Variants in MYO7A observed in about 807,000 individuals in gnomAD.
The protein encoded by MYO7A is unconventional myosin-VIIa.
MYO7A carries 210 observed loss-of-function variants against 263.8 expected under a neutral mutation model. The observed-to-expected ratio is 0.80, with a 90% confidence interval of 0.71 to 0.89. The LOEUF is 0.89. MYO7A is among the 40% of genes least tolerant of loss of function. The pLI, the probability that MYO7A is intolerant of heterozygous loss-of-function variation, is 0.00. For synonymous variants in MYO7A, 1,239 were observed against 1,197.3 expected, an observed-to-expected ratio of 1.03 and a Z score of -0.72; for missense variants, 2,820 against 2,968.3, an observed-to-expected ratio of 0.95 and a Z score of 1.16.
At position 77,214,796 on chromosome 11, in the gene MYO7A, C is replaced by A; in HGVS notation, c.*100C>A. On this transcript the variant is annotated 3_prime_UTR_variant, in exon 49 of 49. Transcript: ENST00000409709. The stretch of plus-strand genomic sequence containing the variant: ...CAGCTGGGGAAGACTTATGCCATCC[C>A]GGCAGCGAGGCTGGGCTGGCCAGCC... The A allele has an allele frequency of 7.8e-6, 8 of 1,029,452 alleles. No individual in the cohort carries two copies. Among genetic ancestry groups the A allele is most frequent in the Non-Finnish European group, 1.1e-5 (8 of 698,506 alleles). The allele number at this position is 1,029,452 out of a possible 1,614,324, so 63.8% of individuals were successfully genotyped here.
At position 77,162,317 on chromosome 11, in the gene MYO7A, G is replaced by C. The variant is rs1232585465; in HGVS notation, c.1541G>C (p.Ser514Thr). ...MNIISLIDEE[S>T]KFPKGTDTTM... ...ATCATCTCCCTCATCGATGAGGAGA[G>C]CAAGTTCCCCAAGGTGGGCCGGTCC... Residue 514 changes from serine (S) to threonine (T), a missense_variant, in exon 13 of 49, where the codon AGC (serine) becomes ACC (threonine). Coordinates refer to ENST00000409709, the MANE Select transcript of MYO7A (RefSeq NM_000260.4). The C allele has an allele frequency of 9.7e-6, 15 of 1,551,600 alleles. No individual in the cohort carries two copies. Among genetic ancestry groups the C allele is most frequent in the Admixed American group, 2.0e-5 (1 of 50,990 alleles).
intron 2 of MYO7A, among the ~76,000 whole-genome samples, chr11:77,134,461 T>C (rs1374275324): frequency 2.7e-5 from 4 of 146,164 alleles, no homozygotes; most frequent in African/African-American, 1.0e-4. Context: ...AAATACAACA[T>C]TTTTTTTTTT....
intron 26 of MYO7A, 57 bp from the exon 27 acceptor site, chr11:77,184,531 T>C (rs1955515747): frequency 6.7e-7 from 1 of 1,487,622 alleles, no homozygotes; most frequent in Non-Finnish European, 9.2e-7. Flanking sequence ...GCTGGTGCCC[T>C]GGCTGGCAGG....
At chr11:77,165,686 A>G (rs1466898850) in intron 14 of MYO7A, among the ~76,000 whole-genome samples, 1 of 152,210 alleles carries the variant, frequency 6.6e-6, no homozygotes, top group Non-Finnish European at 1.5e-5. Flanking sequence ...AGCTTGTACC[A>G]GATCAACATG....
intron 2 of MYO7A, 86 bp from the exon 3 acceptor site, chr11:77,142,623 T>A: frequency 8.7e-7 from 1 of 1,151,646 alleles, no homozygotes; most frequent in Non-Finnish European, 1.3e-6. Context: ...GAGCCTCTGA[T>A]TGTAGCAGAG....
At chr11:77,158,239 C>T (rs376020956) in intron 8 of MYO7A, 38 bp from the exon 9 acceptor site, 346 of 1,542,946 alleles carry the variant, frequency 2.2e-4, no homozygotes, top group Non-Finnish European at 2.8e-4. Context: ...GGTACACTGA[C>T]GTCCTCTTGC....
In MYO7A at chr11:77,214,833, T is replaced by C; in HGVS notation, c.*137T>C. 4 of 662,190 alleles carry C rather than the reference T, an allele frequency of 6.0e-6. No individual in the cohort carries two copies. Among genetic ancestry groups the C allele is most frequent in the Middle Eastern group, 4.1e-4 (1 of 2,420 alleles). The allele number at this position is 662,190 out of a possible 1,614,324, so 41.0% of individuals were successfully genotyped here. A position where few individuals can be genotyped will look rare whatever the true frequency, so the allele number is the denominator to read the frequency against. ...TGGGCTGGCCAGCCACCACTGACTA[T>C]ACCAACTGGGCCTCTGATGTTCTTC... On this transcript the variant is annotated 3_prime_UTR_variant, in exon 49 of 49. Transcript: ENST00000409709.
At chr11:77,157,470 T>C (rs1952603642) in intron 8 of MYO7A, 78 bp downstream of exon 8, 2 of 979,668 alleles carry the variant, frequency 2.0e-6, no homozygotes, top group Non-Finnish European at 3.1e-6. Context: ...AGACTCAGCC[T>C]TGAGGTCTCA....
intron 22 of MYO7A, 104 bp from the exon 23 acceptor site, chr11:77,181,276 C>A: frequency 9.5e-7 from 1 of 1,048,158 alleles, no homozygotes; most frequent in Non-Finnish European, 1.4e-6. Context: ...GAGGTGGGGA[C>A]TGAGGCCCTG....
At chr11:77,197,452 T>C in intron 32 of MYO7A, 29 bp from the exon 33 acceptor site, 2 of 1,498,496 alleles carry the variant, frequency 1.3e-6, no homozygotes, top group Non-Finnish European at 1.8e-6. Context: ...TATGTTGTCT[T>C]CTGTCCCTCT....
Position 77,204,216 on chromosome 11 carries a change from G to A in MYO7A, c.5467G>A (p.Asp1823Asn), listed in dbSNP as rs964028538. 2.3e-5 allele frequency: 37 copies of A among 1,575,284 alleles called. No homozygotes were observed. Among genetic ancestry groups the A allele is most frequent in the East Asian group, 1.4e-4 (6 of 42,454 alleles). The change falls in exon 39 of 49, where the codon GAC (aspartate) becomes AAC (asparagine). Residue 1823 changes from aspartate (D) to asparagine (N), a missense_variant. Coordinates refer to ENST00000409709, the MANE Select transcript of MYO7A (RefSeq NM_000260.4). ...TGTGCAGATCCTGAAGCAGCTGACCGACAACCACATCAGGTGAGCCAGGCA... is the reference window on the plus strand; with the variant it reads ...TGTGCAGATCCTGAAGCAGCTGACCAACAACCACATCAGGTGAGCCAGGCA... ...AYVQILKQLT[D>N]NHIRYSEERG...
intron 47 of MYO7A, among the ~76,000 whole-genome samples, 155 bp from the exon 48 acceptor site, chr11:77,213,705 G>A (rs981761230): frequency 2.6e-5 from 4 of 152,106 alleles, no homozygotes; most frequent in Non-Finnish European, 5.9e-5. Flanking sequence ...GGAGGGGGAG[G>A]CACCTGCTTC....
chr11:77,164,134 C>T (rs2135325275), intron 14 of MYO7A, among the ~76,000 whole-genome samples: 1 of 152,294 alleles, frequency 6.6e-6, no homozygotes, highest in South Asian at 2.1e-4. Flanking sequence ...TGGGGACAGG[C>T]AATTGGGTTC....
chr11:77,177,236 G>A (rs1285296013), intron 18 of MYO7A, among the ~76,000 whole-genome samples: 13 of 152,186 alleles, frequency 8.5e-5, no homozygotes, highest in Admixed American at 8.5e-4. Flanking sequence ...CTAGAAGCAG[G>A]GGGCTTGGGC....
intron 4 of MYO7A, among the ~76,000 whole-genome samples, chr11:77,152,768 G>A (rs1488693890): frequency 1.3e-5 from 2 of 152,110 alleles, no homozygotes; most frequent in South Asian, 2.1e-4. Context: ...CATGCTGAAG[G>A]AGACCTGTGG....
chr11:77,178,977 A>C, intron 19 of MYO7A, 68 bp from the exon 20 acceptor site: 1 of 1,358,640 alleles, frequency 7.4e-7, no homozygotes, highest in South Asian at 1.2e-5. Context: ...TGCCCTCCTG[A>C]TCCCAAACCC....
intron 44 of MYO7A, among the ~76,000 whole-genome samples, chr11:77,210,503 A>G (rs1457923111): frequency 6.6e-6 from 1 of 152,160 alleles, no homozygotes; most frequent in African/African-American, 2.4e-5. Flanking sequence ...GGTAGGATGG[A>G]TAATGATTGA....
Position 77,177,652 on chromosome 11 carries a change from T to TC in MYO7A, c.2282+12dup. ...CGGGGATTCAAAGACAGGTGCGTGT[T>TC]CCCACCAGCTCCTCCCCTCCTCAGC... is the stretch of plus-strand genomic sequence containing the variant. On this transcript the variant is annotated intron_variant, in intron 19 of 48. Transcript: ENST00000409709. The TC allele has an allele frequency of 6.3e-7, 1 of 1,597,926 alleles. No homozygotes were observed. The highest frequency in any genetic ancestry group is 8.5e-7 in the Non-Finnish European group (1 of 1,171,488).
chr11:77,144,807 A>G (rs2135662246), intron 3 of MYO7A, among the ~76,000 whole-genome samples: 2 of 152,300 alleles, frequency 1.3e-5, no homozygotes, highest in Non-Finnish European at 2.9e-5. Context: ...CTGGAATCCC[A>G]GTGTCTTGCC....
Sources: gnomAD v4.1 joint callset for allele counts (sites outside exome capture counted in the v4.1 genomes callset) on GRCh38, gnomAD v4.1.1 for gene constraint, MANE v1.5 for transcripts, NCBI Gene and HGNC (gene_info 2026-07-23, HGNC 2026-07-21) for gene names.